Variants in WWTR1 observed in about 807,000 individuals in gnomAD.
WWTR1 encodes WW domain-containing transcription regulator protein 1.
WWTR1 carries 13 observed loss-of-function variants against 40.1 expected under a neutral mutation model. That is an observed-to-expected ratio of 0.32 (90% confidence interval 0.21 to 0.52). The LOEUF (loss-of-function observed/expected upper bound fraction) is 0.52. Ranked by LOEUF, WWTR1 falls within the 20% of genes least tolerant of loss-of-function variation. The pLI is 0.97. For synonymous variants in WWTR1, 230 were observed against 210.1 expected, an observed-to-expected ratio of 1.09 and a Z score of -0.82; for missense variants, 436 against 523.1, an observed-to-expected ratio of 0.83 and a Z score of 1.63.
At chr3:149,534,572 T>C (rs67980979) in intron 4 of WWTR1, among the ~76,000 whole-genome samples, 21,966 of 152,234 alleles carry the variant, frequency 0.14, 2,169 homozygotes, top group East Asian at 0.5. Context: ...TTTCAACGTA[T>C]ATGAGTGGAG....
chr3:149,679,634 T>G (rs1393221415), intron 1 of WWTR1, among the ~76,000 whole-genome samples: 1 of 144,810 alleles, frequency 6.9e-6, no homozygotes. Context: ...AGAGAACAGA[T>G]GGAATGGTGG....
At chr3:149,588,098 G>A (rs1207263991) in intron 2 of WWTR1, among the ~76,000 whole-genome samples, 2 of 152,182 alleles carry the variant, frequency 1.3e-5, no homozygotes, top group Admixed American at 1.3e-4. Flanking sequence ...GCTAAGTATT[G>A]CCAAGAGACT....
intron 3 of WWTR1, among the ~76,000 whole-genome samples, chr3:149,561,736 T>C (rs530698069): frequency 2.5e-4 from 38 of 152,290 alleles, no homozygotes; most frequent in African/African-American, 8.2e-4. Flanking sequence ...AATCAGTAAG[T>C]ACTAATTTGG....
intron 2 of WWTR1, chr3:149,648,986 A>C (rs1194720223): frequency 6.6e-6 from 1 of 151,728 alleles, no homozygotes; most frequent in African/African-American, 2.4e-5. Flanking sequence ...CTTTTTTTTA[A>C]TTTTTTTTAT....
At chr3:149,607,845 A>T (rs919128032) in intron 2 of WWTR1, among the ~76,000 whole-genome samples, 1 of 152,250 alleles carries the variant, frequency 6.6e-6, no homozygotes, top group African/African-American at 2.4e-5. Flanking sequence ...TTACTCAGAG[A>T]TTTCCCAAGA....
At chr3:149,652,182 T>C (rs1934720271) in intron 2 of WWTR1, among the ~76,000 whole-genome samples, 1 of 151,844 alleles carries the variant, frequency 6.6e-6, no homozygotes, top group Non-Finnish European at 1.5e-5. Context: ...ACGAATAAGA[T>C]GGTCAACTTT....
At chr3:149,598,297 C>T (rs189787029) in intron 2 of WWTR1, among the ~76,000 whole-genome samples, 15 of 152,230 alleles carry the variant, frequency 9.9e-5, no homozygotes, top group African/African-American at 3.4e-4. Flanking sequence ...CTGTTGGTTG[C>T]CTATAGATTA....
At chr3:149,686,101 G>C (rs35812519) in intron 1 of WWTR1, among the ~76,000 whole-genome samples, 21,260 of 152,090 alleles carry the variant, frequency 0.14, 2,063 homozygotes, top group African/African-American at 0.28. Flanking sequence ...TTAAACAATA[G>C]GAAACATTTA....
intron 2 of WWTR1, among the ~76,000 whole-genome samples, chr3:149,653,233 T>C (rs1029333246): frequency 6.6e-6 from 1 of 152,234 alleles, no homozygotes; most frequent in Non-Finnish European, 1.5e-5. Flanking sequence ...CATTTTCTGG[T>C]TTATGTATAG....
Position 149,526,031 on chromosome 3 carries a change from C to A in WWTR1, c.1000G>T (p.Val334Leu), listed in dbSNP as rs1473608767. The stretch of plus-strand genomic sequence containing the variant: ...CTCCTACCTGTATCCATCTCATCCA[C>A]ATTGCTGAGGAAGTCCTCCGGAGTT... Reference protein sequence around the residue: ...PTTPEDFLSNVDEMDTGENAG... With the variant: ...PTTPEDFLSNLDEMDTGENAG... Residue 334 changes from valine (V) to leucine (L), a missense_variant, in exon 6 of 7, where the codon GTG (valine) becomes TTG (leucine). Coordinates refer to ENST00000360632, the MANE Select transcript of WWTR1 (RefSeq NM_015472.6). The A allele has an allele frequency of 5.6e-6, 9 of 1,603,776 alleles. No homozygotes were observed.
chr3:149,697,745 C>T (rs1576645092), intron 1 of WWTR1, among the ~76,000 whole-genome samples: 1 of 152,182 alleles, frequency 6.6e-6, no homozygotes. Context: ...AGTCCAAAGT[C>T]TCATCTGAAA....
At position 149,530,242 on chromosome 3, in the gene WWTR1, G is replaced by A. The variant is rs147570223; in HGVS notation, c.772-2273C>T. The stretch of plus-strand genomic sequence containing the variant: ...TGCACCTGTGGTCCCAGATACTCAG[G>A]AGGCTGAGGCAGGAAAATCACTTGA... On this transcript the variant is annotated intron_variant, in intron 4 of 6. Coordinates refer to ENST00000360632, the MANE Select transcript of WWTR1 (RefSeq NM_015472.6). Among the ~76,000 whole-genome samples, 1,503 of 152,122 alleles carry A rather than the reference G, an allele frequency of 9.9e-3. 25 individuals carry two copies. Among genetic ancestry groups the A allele is most frequent in the African/African-American group, 0.035 (1,453 of 41,484 alleles).
chr3:149,567,141 C>T (rs1015917440), intron 3 of WWTR1, among the ~76,000 whole-genome samples: 3 of 150,666 alleles, frequency 2.0e-5, no homozygotes, highest in Non-Finnish European at 4.4e-5. Flanking sequence ...TAGTGTGTGA[C>T]AGCAGCTCAG....
intron 3 of WWTR1, among the ~76,000 whole-genome samples, chr3:149,568,551 AAAAAAAAAAC>A (rs1737460149): frequency 1.4e-5 from 1 of 72,266 alleles, no homozygotes; most frequent in African/African-American, 5.5e-5. Context: ...AAAAAAAAAA[AAAAAAAAAAC>A]CATATTTTTG....
intron 2 of WWTR1, among the ~76,000 whole-genome samples, chr3:149,587,496 A>G (rs1362064619): frequency 6.6e-6 from 1 of 152,192 alleles, no homozygotes; most frequent in Non-Finnish European, 1.5e-5. Context: ...TGATGGTCAC[A>G]CCACGGTGTA....
intron 2 of WWTR1, among the ~76,000 whole-genome samples, chr3:149,631,983 C>T (rs1711565472): frequency 6.6e-6 from 1 of 152,262 alleles, no homozygotes; most frequent in Admixed American, 6.5e-5. Flanking sequence ...TACAGCGGCT[C>T]ACTGCAGCCT....
chr3:149,657,295 G>A lies in WWTR1; in HGVS notation c.12C>T (p.Ala4=). The A allele has an allele frequency of 6.2e-7, 1 of 1,610,820 alleles. No individual in the cohort carries two copies. Among genetic ancestry groups the A allele is most frequent in the African/African-American group, 1.3e-5 (1 of 75,016 alleles). The change falls in exon 2 of 7, where the codon GCC becomes GCT. Residue 4 remains alanine (A), a synonymous_variant. Coordinates refer to ENST00000360632, the MANE Select transcript of WWTR1 (RefSeq NM_015472.6). ...GCGGCGGGAGCGGAGGGGGCGCCGAGGCCGGATTCATCTTCTGCAAAAAGA... is the reference window on the plus strand; with the variant it reads ...GCGGCGGGAGCGGAGGGGGCGCCGAAGCCGGATTCATCTTCTGCAAAAAGA... MNP[A]SAPPPLPPPG... is the part of the protein sequence containing the mutation.
chr3:149,721,703 ATT>A (rs1359505079), intron 4 of WWTR1, among the ~76,000 whole-genome samples: 1 of 152,088 alleles, frequency 6.6e-6, no homozygotes, highest in Non-Finnish European at 1.5e-5. Flanking sequence ...GTTTGGTATA[ATT>A]CACTGGTAAA....
chr3:149,715,040 T>C (rs1715570559), intron 5 of WWTR1, among the ~76,000 whole-genome samples: 1 of 152,144 alleles, frequency 6.6e-6, no homozygotes, highest in Admixed American at 6.5e-5. Context: ...GGAAAGAAGC[T>C]GCCCACTGCA....
Sources: allele counts gnomAD v4.1 joint callset (sites outside exome capture counted in the v4.1 genomes callset), GRCh38; gene constraint gnomAD v4.1.1; transcripts MANE v1.5; gene names NCBI Gene and HGNC (gene_info 2026-07-23, HGNC 2026-07-21).